The following ADAMTS14 variants were observed in gnomAD, a reference collection of about 807,000 sequenced individuals.
ADAMTS14 encodes A disintegrin and metalloproteinase with thrombospondin motifs 14.
In ADAMTS14, 100 loss-of-function variants were observed where a neutral mutation model predicts 128.6. The observed-to-expected ratio is 0.78, with a 90% CI of 0.66 to 0.92. The LOEUF is 0.92. ADAMTS14 is among the 40% of genes least tolerant of loss of function. ADAMTS14 has a pLI of 0.00. For missense variants in ADAMTS14, 1,562 were observed against 1,658.6 expected, an observed-to-expected ratio of 0.94 and a Z score of 1.01; for synonymous variants, 665 against 653.8, an observed-to-expected ratio of 1.02 and a Z score of -0.26.
At chr10:70,729,424 G>A (rs758479463) in intron 5 of ADAMTS14, 47 bp downstream of exon 5, 6 of 1,504,554 alleles carry the variant, frequency 4.0e-6, no homozygotes, top group Non-Finnish European at 5.5e-6. Flanking sequence ...GAAGGGTTGT[G>A]GGGCCAGAGT....
chr10:70,702,794 T>A (rs1486391369), intron 3 of ADAMTS14, among the ~76,000 whole-genome samples: 2 of 152,002 alleles, frequency 1.3e-5, no homozygotes, highest in Admixed American at 1.3e-4. Context: ...AGTGAGTTCT[T>A]CCCCCCTAAA....
chr10:70,720,275 G>C (rs541086993), intron 4 of ADAMTS14, among the ~76,000 whole-genome samples: 2 of 152,338 alleles, frequency 1.3e-5, no homozygotes, highest in South Asian at 4.1e-4. Context: ...GGCAGAGAGG[G>C]AAGATGGAGC....
intron 11 of ADAMTS14, among the ~76,000 whole-genome samples, chr10:70,739,642 T>A (rs889219146): frequency 2.6e-5 from 4 of 152,022 alleles, no homozygotes; most frequent in Non-Finnish European, 4.4e-5. Context: ...CATGGCTTGG[T>A]TGGCTCTAGG....
intron 4 of ADAMTS14, among the ~76,000 whole-genome samples, chr10:70,722,980 G>A (rs1012132473): frequency 6.6e-6 from 1 of 152,154 alleles, no homozygotes; most frequent in African/African-American, 2.4e-5. Context: ...GGAAATCAGG[G>A]AGCAGAGGGT....
At chr10:70,715,646 C>T (rs2132632476) in intron 4 of ADAMTS14, among the ~76,000 whole-genome samples, 1 of 152,156 alleles carries the variant, frequency 6.6e-6, no homozygotes, top group East Asian at 1.9e-4. Flanking sequence ...GCTTGTTCCC[C>T]AAGCAGAATT....
chr10:70,745,363 TG>T (rs1409876080), intron 15 of ADAMTS14, 57 bp downstream of exon 15: 4 of 1,575,892 alleles, frequency 2.5e-6, no homozygotes, highest in African/African-American at 1.4e-5. Context: ...CCCTCTGACT[TG>T]GGGGAGCTGG....
At position 70,674,832 on chromosome 10, in the gene ADAMTS14, G is replaced by A. The variant is rs1388724015; in HGVS notation, c.359G>A (p.Arg120His). The change falls in exon 2 of 22, where the codon CGC becomes CAC. Residue 120 changes from arginine (R) to histidine (H), a missense_variant. Physicochemically the swap from Arg to His is conservative, Grantham distance 29. Coordinates refer to ENST00000373207, the MANE Select transcript of ADAMTS14 (RefSeq NM_080722.4). ...GTTTTCGGGAAGGAACTGCACTTGC[G>A]CCTGCGGCCCAATCGGAGGTTGGTA... ...VTVFGKELHL[R>H]LRPNRRLVVP... 9 of 1,613,940 alleles carry A rather than the reference G, an allele frequency of 5.6e-6. No homozygotes were observed. The highest frequency in any genetic ancestry group is 6.8e-6 in the Non-Finnish European group (8 of 1,180,044).
Position 70,743,693 on chromosome 10 carries a change from C to A in ADAMTS14, c.2058+12C>A. On this transcript the variant is annotated intron_variant, in intron 13 of 21. Coordinates refer to ENST00000373207, the MANE Select transcript of ADAMTS14 (RefSeq NM_080722.4). Reference sequence around the variant, plus strand: ...GTGGCGAGTGTGTGGTGGGTGCACCCCCAGCCACCCCGACTACCGGCACAG... The same window carrying A: ...GTGGCGAGTGTGTGGTGGGTGCACCACCAGCCACCCCGACTACCGGCACAG... The A allele has an allele frequency of 6.4e-7, 1 of 1,560,366 alleles. No individual in the cohort carries two copies. Among genetic ancestry groups the A allele is most frequent in the South Asian group, 1.2e-5 (1 of 83,486 alleles).
At chr10:70,720,942 G>C (rs191497157) in intron 4 of ADAMTS14, among the ~76,000 whole-genome samples, 95 of 150,222 alleles carry the variant, frequency 6.3e-4, no homozygotes, top group East Asian at 4.6e-3. Flanking sequence ...GAACGAAAAA[G>C]TGTTACCAAT....
chr10:70,706,324 G>T (rs550151828), intron 3 of ADAMTS14, among the ~76,000 whole-genome samples: 2 of 152,350 alleles, frequency 1.3e-5, no homozygotes, highest in East Asian at 3.9e-4. Context: ...TAGGGCGAGT[G>T]GGGTAACCTC....
intron 10 of ADAMTS14, among the ~76,000 whole-genome samples, chr10:70,737,169 G>C (rs1158243397): frequency 6.6e-6 from 1 of 152,160 alleles, no homozygotes; most frequent in Non-Finnish European, 1.5e-5. Flanking sequence ...GGGATGCAGA[G>C]AAATCTCTGT....
At chr10:70,719,365 AATAC>A (rs1841172061) in intron 4 of ADAMTS14, among the ~76,000 whole-genome samples, 2 of 102,926 alleles carry the variant, frequency 1.9e-5, no homozygotes, top group African/African-American at 8.4e-5. Flanking sequence ...TCACTCCACA[AATAC>A]ACACACACAC....
chr10:70,760,474 C>T lies in ADAMTS14; in HGVS notation c.3293C>T (p.Ser1098Leu), dbSNP rs141826928. ...LCCVSCIKKA[S>L]GPNPGPDPGP... ...TGTGTGTCCTGCATCAAGAAGGCCTCGGGCCCCAACCCTGGCCCAGACCCT... is the reference window on the plus strand; with the variant it reads ...TGTGTGTCCTGCATCAAGAAGGCCTTGGGCCCCAACCCTGGCCCAGACCCT... The change falls in exon 22 of 22, where the codon TCG becomes TTG. Residue 1098 changes from serine (S) to leucine (L), a missense_variant. Coordinates refer to ENST00000373207, the MANE Select transcript of ADAMTS14 (RefSeq NM_080722.4). The T allele has an allele frequency of 4.5e-5, 72 of 1,613,880 alleles. No homozygotes were observed. The African/African-American group carries it at 7.3e-4, about 16-fold the overall frequency.
chr10:70,759,668 C>T lies in ADAMTS14; in HGVS notation c.3179-692C>T, dbSNP rs182094098. ...GATTTGAACTGAAATCTGCTTGATT[C>T]CAAATTAAGCAGTAGCAGTCTTAAT... On this transcript the variant is annotated intron_variant, in intron 21 of 21. Transcript: ENST00000373207. Among the ~76,000 whole-genome samples, 325 of 152,272 alleles carry T rather than the reference C, an allele frequency of 2.1e-3. 1 individual carries two copies. The highest frequency in any genetic ancestry group is 3.1e-3 in the Non-Finnish European group (213 of 68,016).
Position 70,735,187 on chromosome 10 carries a change from C to T in ADAMTS14, c.1371C>T (p.Leu457=), listed in dbSNP as rs143371154. 340 of 1,612,402 alleles carry T rather than the reference C, an allele frequency of 2.1e-4. No homozygotes were observed. Among genetic ancestry groups the T allele is most frequent in the Non-Finnish European group, 2.7e-4 (318 of 1,179,160 alleles). Residue 457 remains leucine (L), a synonymous_variant, in exon 9 of 22, where the codon CTC becomes CTT. Coordinates refer to ENST00000373207, the MANE Select transcript of ADAMTS14 (RefSeq NM_080722.4). ...CTGGCAGCTCCTACGACTGCCTCCT[C>T]GATGACCCCTTTGATCCTGCCTGGC... ...SRYLPSYDCL[L]DDPFDPAWPQ...
At chr10:70,694,744 T>C (rs1169869116) in intron 2 of ADAMTS14, among the ~76,000 whole-genome samples, 1 of 152,216 alleles carries the variant, frequency 6.6e-6, no homozygotes, top group Non-Finnish European at 1.5e-5. Context: ...TAATATTTCA[T>C]TGTATGGCTA....
chr10:70,672,980 G>A, intron 1 of ADAMTS14, 96 bp downstream of exon 1: 1 of 1,338,722 alleles, frequency 7.5e-7, no homozygotes, highest in Non-Finnish European at 9.5e-7. Context: ...CAGGGTTCCC[G>A]CGGGTGGGAG....
chr10:70,681,534 G>GT (rs1839802547), intron 2 of ADAMTS14, among the ~76,000 whole-genome samples: 1 of 152,210 alleles, frequency 6.6e-6, no homozygotes, highest in Admixed American at 6.5e-5. Context: ...TCACATTAGT[G>GT]TTTGAGAAAG....
chr10:70,708,804 T>TG (rs761577412), intron 4 of ADAMTS14, 26 bp downstream of exon 4: 2 of 453,806 alleles, frequency 4.4e-6, no homozygotes. Context: ...TCCTAGGACT[T>TG]GGGGGGAGTG....
Sources: gnomAD v4.1 joint callset for allele counts (sites outside exome capture counted in the v4.1 genomes callset) on GRCh38, gnomAD v4.1.1 for gene constraint, MANE v1.5 for transcripts, NCBI Gene and HGNC (gene_info 2026-07-23, HGNC 2026-07-21) for gene names.